Variants in TP63 observed in about 807,000 individuals in gnomAD.
The protein encoded by TP63 is tumor protein 63.
Under a neutral mutation model 82.8 loss-of-function variants are expected in TP63, and 17 were observed. That is an observed-to-expected ratio of 0.21 (90% CI 0.14 to 0.31). The LOEUF is 0.31. TP63 is among the 10% of genes least tolerant of loss of function. TP63 has a pLI of 1.00. For missense variants in TP63, 648 were observed against 895.3 expected (o/e 0.72, Z 3.52); for synonymous variants, 330 against 321.7 (o/e 1.03, Z -0.28).
At chr3:189,875,593 C>CATGT in intron 10 of TP63, among the ~76,000 whole-genome samples, 1 of 40,762 alleles carries the variant, frequency 2.5e-5, no homozygotes, top group East Asian at 9.6e-4. Context: ...AAAATACATA[C>CATGT]ATATATATAT....
At chr3:189,823,565 C>T (rs1335753095) in intron 4 of TP63, among the ~76,000 whole-genome samples, 1 of 152,046 alleles carries the variant, frequency 6.6e-6, no homozygotes, top group Admixed American at 6.6e-5. Context: ...GTCACTACTC[C>T]AAAGGGCTAG....
At chr3:189,797,753 A>G (rs1388711849) in intron 3 of TP63, among the ~76,000 whole-genome samples, 2 of 152,064 alleles carry the variant, frequency 1.3e-5, no homozygotes, top group Non-Finnish European at 2.9e-5. Context: ...AATTATTTCA[A>G]CAGACAATCC....
intron 3 of TP63, among the ~76,000 whole-genome samples, chr3:189,758,379 C>T (rs1298580385): frequency 1.3e-5 from 2 of 152,196 alleles, no homozygotes; most frequent in African/African-American, 4.8e-5. Context: ...GGCCCCTGGT[C>T]TCAAGTGAGC....
chr3:189,764,201 A>T (rs1722776272), intron 3 of TP63, among the ~76,000 whole-genome samples: 4 of 152,156 alleles, frequency 2.6e-5, no homozygotes, highest in African/African-American at 9.7e-5. Context: ...TTTCTGTCCC[A>T]ATATCCATTC....
At chr3:189,789,929 G>T in intron 3 of TP63, 1 of 1,301,062 alleles carries the variant, frequency 7.7e-7, no homozygotes, top group Non-Finnish European at 1.0e-6. Context: ...GCGGTTCTCG[G>T]TCACCCAATG....
chr3:189,602,148 A>G, the TP63 span, among the ~76,000 whole-genome samples: 1 of 152,208 alleles, frequency 6.6e-6, no homozygotes, highest in Non-Finnish European at 1.5e-5. Flanking sequence ...GGACAATAAC[A>G]GCTTTCTCAG....
At chr3:189,748,023 G>A (rs1343538367) in intron 3 of TP63, among the ~76,000 whole-genome samples, 2 of 151,926 alleles carry the variant, frequency 1.3e-5, no homozygotes, top group African/African-American at 4.8e-5. Context: ...TAGAAGACCT[G>A]AACAGACCAA....
At chr3:189,644,021 G>A (rs1712170506) in intron 1 of TP63, among the ~76,000 whole-genome samples, 1 of 152,024 alleles carries the variant, frequency 6.6e-6, no homozygotes, top group Non-Finnish European at 1.5e-5. Context: ...AGTTCTTTGG[G>A]AACTCTATTC....
intron 1 of TP63, among the ~76,000 whole-genome samples, chr3:189,678,219 TTTAAGG>T (rs1715613084): frequency 6.6e-6 from 1 of 152,126 alleles, no homozygotes; most frequent in Admixed American, 6.6e-5. Context: ...ATTTCTACAG[TTTAAGG>T]TTTTACATTT....
At chr3:189,874,280 C>A (rs1313104874) in intron 10 of TP63, among the ~76,000 whole-genome samples, 1 of 152,160 alleles carries the variant, frequency 6.6e-6, no homozygotes, top group African/African-American at 2.4e-5. Flanking sequence ...CCATGTTAGC[C>A]AGGCTGGTCG....
intron 10 of TP63, chr3:189,881,488 C>T (rs1171701136): frequency 4.1e-6 from 4 of 985,164 alleles, no homozygotes; most frequent in Non-Finnish European, 4.8e-6. Flanking sequence ...ACTTTTGCAT[C>T]TTGGTTTATC....
the TP63 span, among the ~76,000 whole-genome samples, chr3:189,602,682 G>T: frequency 2.0e-5 from 3 of 152,024 alleles, no homozygotes; most frequent in Non-Finnish European, 4.4e-5. Flanking sequence ...CTCTTCTTTG[G>T]GCTGCAGGGA....
At chr3:189,830,580 A>G (rs1205120815) in intron 4 of TP63, among the ~76,000 whole-genome samples, 2 of 152,200 alleles carry the variant, frequency 1.3e-5, no homozygotes, top group South Asian at 2.1e-4. Context: ...CTTGTTTTAC[A>G]CAAGTATCAT....
In TP63 at chr3:189,666,896, T is replaced by C. The variant is rs557947416; in HGVS notation, c.62+35319T>C. The stretch of plus-strand genomic sequence containing the variant: ...TTACATGCATTTACAAAAGAATGGA[T>C]TGGATATTTTTAAATGACAGTAGAG... On this transcript the variant is annotated intron_variant, in intron 1 of 13. Coordinates refer to ENST00000264731, the MANE Select transcript of TP63 (RefSeq NM_003722.5). 1.6e-4 allele frequency among the ~76,000 whole-genome samples: 19 copies of C among 117,670 alleles called. 1 individual carries two copies. The Middle Eastern group carries it at 0.033, about 204-fold the overall frequency. 77.2% of individuals were successfully genotyped at this position (117,670 alleles called of 152,430 possible). A position where few individuals can be genotyped will look rare whatever the true frequency, so the allele number is the denominator to read the frequency against.
the TP63 span, among the ~76,000 whole-genome samples, chr3:189,620,044 A>G: frequency 6.6e-6 from 1 of 152,186 alleles, no homozygotes; most frequent in Non-Finnish European, 1.5e-5. Flanking sequence ...GATAATGAAA[A>G]AAAGAGCGGA....
the TP63 span, among the ~76,000 whole-genome samples, chr3:189,602,725 ACT>A: frequency 3.3e-5 from 5 of 151,860 alleles, no homozygotes; most frequent in African/African-American, 1.2e-4. Flanking sequence ...GATTTCATAC[ACT>A]CTTTTTGTAC....
chr3:189,883,352 C>T (rs958260337), intron 10 of TP63, among the ~76,000 whole-genome samples: 11 of 152,100 alleles, frequency 7.2e-5, no homozygotes, highest in African/African-American at 1.7e-4. Context: ...CTTTAAAACT[C>T]ACTTTCATAT....
At chr3:189,667,331 C>T (rs1447499105) in intron 1 of TP63, among the ~76,000 whole-genome samples, 1 of 151,888 alleles carries the variant, frequency 6.6e-6, no homozygotes, top group East Asian at 1.9e-4. Context: ...CCCGCCACCA[C>T]GCCTGGCCAA....
chr3:189,625,398 A>G, the TP63 span, among the ~76,000 whole-genome samples: 1 of 152,176 alleles, frequency 6.6e-6, no homozygotes, highest in South Asian at 2.1e-4. Flanking sequence ...TTACAAAAAT[A>G]TCTGTGTTAC....
Sources: gnomAD v4.1 joint callset for allele counts (sites outside exome capture counted in the v4.1 genomes callset) on GRCh38, gnomAD v4.1.1 for gene constraint, MANE v1.5 for transcripts, NCBI Gene and HGNC (gene_info 2026-07-23, HGNC 2026-07-21) for gene names.